Variants in LRRTM4 observed in about 807,000 individuals in gnomAD.
The protein encoded by LRRTM4 is leucine rich repeat transmembrane neuronal 4.
In LRRTM4, 25 loss-of-function variants were observed where a neutral mutation model predicts 47.6. That is an observed-to-expected ratio of 0.53 (90% CI 0.38 to 0.73). The LOEUF is 0.73. LRRTM4 is among the 30% of genes least tolerant of loss of function. The pLI, the probability that LRRTM4 is intolerant of heterozygous loss-of-function variation, is 0.00. For synonymous variants in LRRTM4, 311 were observed against 269.5 expected, an observed-to-expected ratio of 1.15 and a Z score of -1.51; for missense variants, 638 against 713.4, an observed-to-expected ratio of 0.89 and a Z score of 1.20.
chr2:76,951,570 G>C (rs1181524226), intron 3 of LRRTM4, among the ~76,000 whole-genome samples: 1 of 151,736 alleles, frequency 6.6e-6, no homozygotes, highest in Non-Finnish European at 1.5e-5. Flanking sequence ...AAAATTTCAA[G>C]GTTTGTTTGA....
chr2:77,401,339 G>T (rs1326329409), intron 3 of LRRTM4, among the ~76,000 whole-genome samples: 3 of 151,960 alleles, frequency 2.0e-5, no homozygotes, highest in Non-Finnish European at 4.4e-5. Flanking sequence ...CTCTTACCAT[G>T]CAGGTAATCC....
intron 3 of LRRTM4, among the ~76,000 whole-genome samples, chr2:77,079,154 A>G (rs1248660616): frequency 6.6e-6 from 1 of 152,236 alleles, no homozygotes; most frequent in African/African-American, 2.4e-5. Flanking sequence ...ACAAGTAAAA[A>G]GAAACAACTG....
chr2:77,382,219 T>G (rs1441710766), intron 3 of LRRTM4, among the ~76,000 whole-genome samples: 1 of 152,132 alleles, frequency 6.6e-6, no homozygotes, highest in African/African-American at 2.4e-5. Flanking sequence ...AGTAAAGCAT[T>G]GTTTACCGTG....
At chr2:76,992,607 G>A (rs773707320) in intron 3 of LRRTM4, among the ~76,000 whole-genome samples, 12 of 151,540 alleles carry the variant, frequency 7.9e-5, no homozygotes, top group Non-Finnish European at 1.6e-4. Flanking sequence ...ACAAAACACT[G>A]CTGAAAGAAA....
intron 3 of LRRTM4, among the ~76,000 whole-genome samples, chr2:76,916,441 T>C (rs1460513791): frequency 1.5e-5 from 2 of 133,236 alleles, no homozygotes; most frequent in Non-Finnish European, 1.6e-5. Context: ...TCAGGAAAAA[T>C]TGTAAAATTA....
At chr2:77,134,219 G>T (rs1285895564) in intron 3 of LRRTM4, among the ~76,000 whole-genome samples, 1 of 152,024 alleles carries the variant, frequency 6.6e-6, no homozygotes, top group Admixed American at 6.6e-5. Context: ...AAAGAAAGGT[G>T]CTAGGTCTTT....
chr2:76,962,165 G>A (rs1395423249), intron 3 of LRRTM4, among the ~76,000 whole-genome samples: 1 of 151,196 alleles, frequency 6.6e-6, no homozygotes, highest in African/African-American at 2.4e-5. Context: ...TAAATGGTAG[G>A]TCAAATATGA....
chr2:76,853,830 A>G (rs538982729), intron 3 of LRRTM4, among the ~76,000 whole-genome samples: 41 of 152,298 alleles, frequency 2.7e-4, no homozygotes, highest in African/African-American at 8.9e-4. Context: ...TTCTCATACT[A>G]CAGTAGATCC....
chr2:77,053,534 G>A (rs1679508663), intron 3 of LRRTM4, among the ~76,000 whole-genome samples: 1 of 152,124 alleles, frequency 6.6e-6, no homozygotes, highest in East Asian at 1.9e-4. Context: ...TGTGTTTTCT[G>A]AAGATTTATT....
chr2:76,790,958 T>G (rs1674940073), intron 3 of LRRTM4, among the ~76,000 whole-genome samples: 1 of 152,126 alleles, frequency 6.6e-6, no homozygotes, highest in South Asian at 2.1e-4. Context: ...ATATTTCACT[T>G]TAAACATGGA....
chr2:77,476,965 T>TGTGA (rs199652775), intron 3 of LRRTM4, among the ~76,000 whole-genome samples: 2,928 of 32,224 alleles, frequency 0.091, 47 homozygotes, highest in Non-Finnish European at 0.099. Context: ...TTGTAAGAGA[T>TGTGA]GTGTGTGTGT....
In LRRTM4 at chr2:77,079,063, C is replaced by A. The variant is rs138517024; in HGVS notation, c.1552-330147G>T. Among the ~76,000 whole-genome samples the A allele has an allele frequency of 1.1e-3, 163 of 152,300 alleles. 2 individuals carry two copies. In the East Asian group the frequency reaches 0.028, roughly 27 times the overall value. ...AACACTTCCCCCAAAGCTCCACTTT[C>A]TAATACCATCACATTGAGGGTCAGG... On this transcript the variant is annotated intron_variant, in intron 3 of 3. Transcript: ENST00000409884.
In LRRTM4 at chr2:77,307,648, C is replaced by CA. The variant is rs1558680333; in HGVS notation, c.1551+210669_1551+210670insT. Among the ~76,000 whole-genome samples, 23 of 42,240 alleles carry CA rather than the reference C, an allele frequency of 5.4e-4. No homozygotes were observed. In the African/African-American group the frequency reaches 5.9e-3, roughly 11 times the overall value. 27.7% of individuals were successfully genotyped at this position (42,240 alleles called of 152,430 possible). A position where few individuals can be genotyped will look rare whatever the true frequency, so the allele number is the denominator to read the frequency against. ...TAGAAATATAAATATATAGATATAT[C>CA]TATATATTATAGAAATATAAATATA... is the stretch of plus-strand genomic sequence containing the variant. On this transcript the variant is annotated intron_variant, in intron 3 of 3. Transcript: ENST00000409884.
intron 3 of LRRTM4, among the ~76,000 whole-genome samples, chr2:76,943,105 C>T (rs1675206499): frequency 6.6e-6 from 1 of 152,138 alleles, no homozygotes; most frequent in Non-Finnish European, 1.5e-5. Flanking sequence ...TTTAGCCCTG[C>T]CTTCACACTA....
chr2:77,308,811 G>T (rs1167267170), intron 3 of LRRTM4, among the ~76,000 whole-genome samples: 1 of 145,620 alleles, frequency 6.9e-6, no homozygotes, highest in African/African-American at 2.5e-5. Context: ...TTTGCTTTTG[G>T]TAGCAGCCTC....
At chr2:76,785,909 C>G (rs2104180073) in intron 3 of LRRTM4, among the ~76,000 whole-genome samples, 1 of 152,214 alleles carries the variant, frequency 6.6e-6, no homozygotes, top group Admixed American at 6.5e-5. Flanking sequence ...AGGCCGACCA[C>G]AAACAAAATG....
chr2:77,129,815 C>T (rs1000631359), intron 3 of LRRTM4, among the ~76,000 whole-genome samples: 1 of 152,140 alleles, frequency 6.6e-6, no homozygotes, highest in African/African-American at 2.4e-5. Flanking sequence ...CTCATTATTA[C>T]TTAATCTGAC....
chr2:76,769,078 C>T (rs949230171), intron 3 of LRRTM4, among the ~76,000 whole-genome samples: 1 of 152,112 alleles, frequency 6.6e-6, no homozygotes, highest in Non-Finnish European at 1.5e-5. Flanking sequence ...CTCATAATCA[C>T]TAAATAGTTT....
At chr2:77,351,612 A>ATT (rs1194447834) in intron 3 of LRRTM4, among the ~76,000 whole-genome samples, 1 of 129,128 alleles carries the variant, frequency 7.7e-6, no homozygotes, top group Non-Finnish European at 1.6e-5. Flanking sequence ...ACCATGACAA[A>ATT]TTTATATATA....
Sources: gnomAD v4.1 joint callset for allele counts (sites outside exome capture counted in the v4.1 genomes callset) on GRCh38, gnomAD v4.1.1 for gene constraint, MANE v1.5 for transcripts, NCBI Gene and HGNC (gene_info 2026-07-23, HGNC 2026-07-21) for gene names.